TBC1D5: variants seen among roughly 807,000 people sequenced by gnomAD.
The protein encoded by TBC1D5 is TBC1 domain family, member 5.
In TBC1D5, 75 loss-of-function variants were observed where a neutral mutation model predicts 100.3. The ratio of observed to expected loss-of-function variants is 0.75; its 90% CI spans 0.62 to 0.91. The LOEUF (loss-of-function observed/expected upper bound fraction) is 0.91. TBC1D5 is among the 40% of genes least tolerant of loss of function. The pLI, the probability that TBC1D5 is intolerant of heterozygous loss-of-function variation, is 0.00. For synonymous variants in TBC1D5, 323 were observed against 325.6 expected, an observed-to-expected ratio of 0.99 and a Z score of 0.09; for missense variants, 910 against 942.4, an observed-to-expected ratio of 0.97 and a Z score of 0.45.
At chr3:17,618,705 A>G (rs1417125421) in intron 2 of TBC1D5, among the ~76,000 whole-genome samples, 7 of 152,364 alleles carry the variant, frequency 4.6e-5, no homozygotes, top group South Asian at 2.1e-4. Flanking sequence ...GGACCTGCTG[A>G]GCCAGGAATG....
At chr3:17,220,497 G>GT (rs2074153468) in intron 17 of TBC1D5, among the ~76,000 whole-genome samples, 1 of 152,022 alleles carries the variant, frequency 6.6e-6, no homozygotes, top group Admixed American at 6.6e-5. Context: ...ATTCAGGAAA[G>GT]TTTTTTCTAA....
At chr3:17,600,136 A>G (rs1278457890) in intron 2 of TBC1D5, among the ~76,000 whole-genome samples, 1 of 152,232 alleles carries the variant, frequency 6.6e-6, no homozygotes, top group East Asian at 1.9e-4. Context: ...TCTAAACAGC[A>G]TTTCAAACCT....
intron 19 of TBC1D5, among the ~76,000 whole-genome samples, chr3:17,181,141 G>A (rs1324461960): frequency 2.0e-5 from 3 of 152,142 alleles, no homozygotes; most frequent in Non-Finnish European, 2.9e-5. Flanking sequence ...GCATCATTAA[G>A]TTCTGACATA....
chr3:17,708,296 T>A (rs974468547), intron 1 of TBC1D5, among the ~76,000 whole-genome samples: 1 of 152,250 alleles, frequency 6.6e-6, no homozygotes, highest in East Asian at 1.9e-4. Flanking sequence ...ATCTACTTTG[T>A]TCCTTTTAAC....
Position 17,466,711 on chromosome 3 carries a change from T to C in TBC1D5, c.98-38192A>G, listed in dbSNP as rs373137156. Reference sequence around the variant, plus strand: ...GTTAGACCACTAGACAAGACATTCCTATAAATATAAAGAGTCCTTGATTTT... The same window carrying C: ...GTTAGACCACTAGACAAGACATTCCCATAAATATAAAGAGTCCTTGATTTT... On this transcript the variant is annotated intron_variant, in intron 3 of 21. Transcript: ENST00000253692. 1.0e-3 allele frequency among the ~76,000 whole-genome samples: 158 copies of C among 152,296 alleles called. 2 individuals are homozygous for C. In the South Asian group the frequency reaches 0.018, roughly 17 times the overall value.
intron 18 of TBC1D5, among the ~76,000 whole-genome samples, chr3:17,198,559 C>T (rs541761858): frequency 2.9e-4 from 44 of 152,122 alleles, no homozygotes; most frequent in Admixed American, 2.6e-3. Context: ...TGTAACTGGG[C>T]ATTTTGTGTT....
chr3:17,455,220 A>AT (rs1238561429), intron 3 of TBC1D5, among the ~76,000 whole-genome samples: 13 of 146,330 alleles, frequency 8.9e-5, no homozygotes, highest in African/African-American at 3.2e-4. Flanking sequence ...GTATACATAT[A>AT]TATTATATAT....
At chr3:17,688,164 A>G (rs2070594373) in intron 1 of TBC1D5, among the ~76,000 whole-genome samples, 1 of 152,152 alleles carries the variant, frequency 6.6e-6, no homozygotes. Context: ...AAATAAAAAA[A>G]TATAAACTAT....
chr3:17,607,294 C>A (rs2061386829), intron 2 of TBC1D5, among the ~76,000 whole-genome samples: 1 of 152,012 alleles, frequency 6.6e-6, no homozygotes, highest in South Asian at 2.1e-4. Flanking sequence ...CAAAAATATC[C>A]TTATATAGCA....
At chr3:17,579,074 G>A (rs2096675476) in intron 2 of TBC1D5, among the ~76,000 whole-genome samples, 1 of 151,884 alleles carries the variant, frequency 6.6e-6, no homozygotes, top group South Asian at 2.1e-4. Context: ...ATAAAATGTG[G>A]GGCACATACT....
chr3:17,472,145 CTTT>C (rs1205250326), intron 3 of TBC1D5, among the ~76,000 whole-genome samples: 1 of 137,416 alleles, frequency 7.3e-6, no homozygotes, highest in African/African-American at 2.7e-5. Flanking sequence ...TTTTTTTTTT[CTTT>C]TTTTTTTTTG....
Position 17,352,697 on chromosome 3 carries a change from A to C in TBC1D5, c.995+19378T>G, listed in dbSNP as rs1037486735. On this transcript the variant is annotated intron_variant, in intron 13 of 21. Transcript: ENST00000253692. The stretch of plus-strand genomic sequence containing the variant: ...AAAGCAAAAGGCAAAAAAAAAAAAA[A>C]AACAAAAAAACCTACTGTGCACTCC... 1.1e-4 allele frequency among the ~76,000 whole-genome samples: 17 copies of C among 150,998 alleles called. No individual in the cohort carries two copies. In the East Asian group the frequency reaches 2.8e-3, roughly 25 times the overall value.
chr3:17,259,568 T>C (rs1010541262), intron 15 of TBC1D5, among the ~76,000 whole-genome samples: 1 of 152,184 alleles, frequency 6.6e-6, no homozygotes, highest in African/African-American at 2.4e-5. Flanking sequence ...AATTAGGTTT[T>C]TGAACCAAGG....
At position 17,223,447 on chromosome 3, in the gene TBC1D5, T is replaced by C. The variant is rs572830178; in HGVS notation, c.1589-9077A>G. Among the ~76,000 whole-genome samples, 24 of 152,332 alleles carry C rather than the reference T, an allele frequency of 1.6e-4. 1 individual carries two copies. Among genetic ancestry groups the C allele is most frequent in the Admixed American group, 1.0e-3 (16 of 15,304 alleles). On this transcript the variant is annotated intron_variant, in intron 17 of 21. Coordinates refer to ENST00000253692, the Ensembl canonical transcript of TBC1D5. ...ATTATTTCATTTAATCCTAATGACATTGTGAGATGGTTATGTATGAGAAAA... is the reference window on the plus strand; with the variant it reads ...ATTATTTCATTTAATCCTAATGACACTGTGAGATGGTTATGTATGAGAAAA...
At chr3:17,490,378 G>A (rs1451131899) in intron 3 of TBC1D5, among the ~76,000 whole-genome samples, 1 of 152,082 alleles carries the variant, frequency 6.6e-6, no homozygotes. Flanking sequence ...TGTTGCAATT[G>A]CTTTTGGGGA....
intron 3 of TBC1D5, among the ~76,000 whole-genome samples, chr3:17,501,331 A>ATTATGTGTT: frequency 6.7e-6 from 1 of 149,728 alleles, no homozygotes; most frequent in Non-Finnish European, 1.5e-5. Flanking sequence ...AAATTAATGC[A>ATTATGTGTT]CTTATCAAAC....
At chr3:17,270,930 T>C (rs1424595192) in intron 15 of TBC1D5, among the ~76,000 whole-genome samples, 1 of 152,212 alleles carries the variant, frequency 6.6e-6, no homozygotes. Context: ...GCTGCAGGTG[T>C]GTTGTCTTAT....
intron 1 of TBC1D5, among the ~76,000 whole-genome samples, chr3:17,673,540 G>T (rs773821475): frequency 6.6e-6 from 1 of 150,894 alleles, no homozygotes. Context: ...GGTCTCGATC[G>T]CATGGCTCAA....
Position 17,438,382 on chromosome 3 carries a change from T to G in TBC1D5, c.98-9863A>C, listed in dbSNP as rs1370399799. On this transcript the variant is annotated intron_variant, in intron 3 of 21. Coordinates refer to ENST00000253692, the Ensembl canonical transcript of TBC1D5. ...TCATCTTGAATTGTAGTTCCCATAA[T>G]CCCCACATATCAATGGGAAGGACCA... Among the ~76,000 whole-genome samples the G allele has an allele frequency of 3.9e-5, 6 of 152,242 alleles. No individual in the cohort carries two copies. In the East Asian group the frequency reaches 1.2e-3, roughly 29 times the overall value.
Sources: allele counts gnomAD v4.1 joint callset (sites outside exome capture counted in the v4.1 genomes callset), GRCh38; gene constraint gnomAD v4.1.1; transcripts MANE v1.5; gene names NCBI Gene and HGNC (gene_info 2026-07-23, HGNC 2026-07-21).